Variants in PHB2 observed in about 807,000 individuals in gnomAD.
PHB2 encodes prohibitin-2.
PHB2 carries 22 observed loss-of-function variants against 46.4 expected under a neutral mutation model. The ratio of observed to expected loss-of-function variants is 0.47; its 90% CI spans 0.34 to 0.68. The LOEUF is 0.68. PHB2 is among the 30% of genes least tolerant of loss of function. PHB2 has a pLI of 0.01. For synonymous variants in PHB2, 156 were observed against 150.5 expected, an observed-to-expected ratio of 1.04 and a Z score of -0.27; for missense variants, 305 against 382.8, an observed-to-expected ratio of 0.80 and a Z score of 1.70.
intron 8 of PHB2, 120 bp downstream of exon 8, chr12:6,966,304 C>T: frequency 1.4e-6 from 1 of 703,798 alleles, no homozygotes; most frequent in Non-Finnish European, 2.6e-6. Flanking sequence ...ACCCCCTTTT[C>T]TAATTTTGGT....
intron 3 of PHB2, 126 bp from the exon 4 acceptor site, chr12:6,968,721 G>A: frequency 1.3e-6 from 1 of 756,492 alleles, no homozygotes; most frequent in Non-Finnish European, 2.3e-6. Context: ...GGGGGGAGGA[G>A]AGTTAATCAG....
chr12:6,966,391 G>C, intron 8 of PHB2, 33 bp downstream of exon 8: 2 of 1,331,596 alleles, frequency 1.5e-6, no homozygotes, highest in Non-Finnish European at 1.1e-6. Flanking sequence ...CCACGTTCTT[G>C]GTGATACCCC....
At chr12:6,966,328 G>T in intron 8 of PHB2, 96 bp downstream of exon 8, 1 of 800,090 alleles carries the variant, frequency 1.2e-6, no homozygotes. Context: ...ATGTCTCTGA[G>T]CCATATGAAT....
chr12:6,968,151 C>G (rs1035997269), intron 4 of PHB2, 130 bp from the exon 5 acceptor site: 7 of 873,720 alleles, frequency 8.0e-6, no homozygotes, highest in Non-Finnish European at 1.2e-5. Context: ...GTCAGGCAAA[C>G]CTGTAACATA....
At position 6,968,510 on chromosome 12, in the gene PHB2, C is replaced by G; in HGVS notation, c.378G>C (p.Leu126=). ...ACGGCAACACTCGTTCCTCGTAGTC[C>G]AGCCCTAGGCGCTGGTACATGCTAG... ...ELPSMYQRLG[L]DYEERVLPSI... Residue 126 remains leucine, a synonymous_variant, in exon 4 of 10, where the codon CTG becomes CTC. Transcript: ENST00000535923. The G allele has an allele frequency of 1.2e-6, 2 of 1,613,524 alleles. No homozygotes were observed. Among genetic ancestry groups the G allele is most frequent in the Non-Finnish European group, 1.7e-6 (2 of 1,179,666 alleles).
intron 1 of PHB2, 23 bp from the exon 2 acceptor site, chr12:6,970,303 C>A: frequency 1.2e-6 from 2 of 1,610,970 alleles, no homozygotes; most frequent in Non-Finnish European, 1.7e-6. Flanking sequence ...GGGTGGTGAT[C>A]AGGCCAGGCC....
At position 6,967,789 on chromosome 12, in the gene PHB2, G is replaced by A. The variant is rs1302247904; in HGVS notation, c.608-10C>T. 1.2e-6 allele frequency: 2 copies of A among 1,612,208 alleles called. No individual in the cohort carries two copies. Among genetic ancestry groups the A allele is most frequent in the Non-Finnish European group, 1.7e-6 (2 of 1,178,814 alleles). On this transcript the variant is annotated splice_polypyrimidine_tract_variant and intron_variant, in intron 5 of 9. Coordinates refer to ENST00000535923, the MANE Select transcript of PHB2 (RefSeq NM_001144831.2). The surrounding 1 kb of genome is among the most constrained non-coding windows in gnomAD (Gnocchi z 4.9). Reference sequence around the variant, plus strand: ...TGGGCCTCCTGCTGGGCTGTGGTGGGAGAGAGTCAGGGAGACCCTGTCCTG... The same window carrying A: ...TGGGCCTCCTGCTGGGCTGTGGTGGAAGAGAGTCAGGGAGACCCTGTCCTG...
chr12:6,966,063 C>T lies in PHB2; in HGVS notation c.867-147G>A, dbSNP rs1946207223. 3.5e-6 allele frequency: 3 copies of T among 845,128 alleles called. No individual in the cohort carries two copies. In the Admixed American group the frequency reaches 6.1e-5, roughly 17 times the overall value. 52.4% of individuals were successfully genotyped at this position (845,128 alleles called of 1,614,324 possible). A position where few individuals can be genotyped will look rare whatever the true frequency, so the allele number is the denominator to read the frequency against. On this transcript the variant is annotated intron_variant, in intron 8 of 9. Transcript: ENST00000535923. ...GGTTGACAGCCAGGAATCTCAGGCT[C>T]ATGAAAGGAGGAGGCATGTTCTCAT...
chr12:6,966,924 T>C (rs1946220502), intron 7 of PHB2, among the ~76,000 whole-genome samples: 1 of 152,270 alleles, frequency 6.6e-6, no homozygotes, highest in Middle Eastern at 3.4e-3. Flanking sequence ...ATCTTTTGTA[T>C]TTTTAGTAGA....
chr12:6,970,684 C>T, upstream of PHB2: 3 of 1,099,504 alleles, frequency 2.7e-6, no homozygotes, highest in Non-Finnish European at 3.8e-6. Context: ...CGGAAGTGCG[C>T]TCCCTTTGAA....
At position 6,965,359 on chromosome 12, in the gene PHB2, T is replaced by G. The variant is rs1383479374; in HGVS notation, c.*326A>C. 3 of 411,024 alleles carry G rather than the reference T, an allele frequency of 7.3e-6. No individual in the cohort carries two copies. The Admixed American group carries it at 1.0e-4, about 14-fold the overall frequency. The allele number at this position is 411,024 out of a possible 1,614,324, so 25.5% of individuals were successfully genotyped here. A position where few individuals can be genotyped will look rare whatever the true frequency, so the allele number is the denominator to read the frequency against. On this transcript the variant is annotated 3_prime_UTR_variant, in exon 10 of 10. Transcript: ENST00000535923. ...AACACGTGAAGCCTTGACTTCAGGT[T>G]AAGTAATAAAAATTTATTGAGAATT...
chr12:6,967,793 G>C lies in PHB2; in HGVS notation c.608-14C>G, dbSNP rs782282944. 5 of 1,612,074 alleles carry C rather than the reference G, an allele frequency of 3.1e-6. No individual in the cohort carries two copies. The highest frequency in any genetic ancestry group is 1.7e-4 in the Middle Eastern group (1 of 6,056). On this transcript the variant is annotated splice_polypyrimidine_tract_variant and intron_variant, in intron 5 of 9. Transcript: ENST00000535923. The surrounding 1 kb of genome is among the most constrained non-coding windows in gnomAD (Gnocchi z 4.9). ...CCTCCTGCTGGGCTGTGGTGGGAGA[G>C]AGTCAGGGAGACCCTGTCCTGGGTC...
Position 6,968,018 on chromosome 12 carries a change from A to C in PHB2, c.481T>G (p.Ser161Ala), listed in dbSNP as rs781839686. ...SQLITQRAQV[S>A]LLIRRELTER... ...GTCAGCTCCCGGCGGATCAACAGGG[A>C]TACCTGAGGGCAGGGGTGAAGAGGG... Residue 161 changes from serine to alanine, a missense_variant, in exon 5 of 10, where the codon TCC becomes GCC. Ser to Ala is a moderately conservative substitution (Grantham distance 99). Coordinates refer to ENST00000535923, the MANE Select transcript of PHB2 (RefSeq NM_001144831.2). 4.4e-6 allele frequency: 7 copies of C among 1,600,332 alleles called. No individual in the cohort carries two copies. The highest frequency in any genetic ancestry group is 6.0e-6 in the Non-Finnish European group (7 of 1,170,192).
intron 2 of PHB2, among the ~76,000 whole-genome samples, 164 bp from the exon 3 acceptor site, chr12:6,969,741 A>G (rs1475906239): frequency 1.3e-5 from 2 of 151,942 alleles, no homozygotes; most frequent in Non-Finnish European, 2.9e-5. Flanking sequence ...CTCTACTAAA[A>G]TACAAAAATT....
In PHB2 at chr12:6,967,658, T is replaced by G; in HGVS notation, c.711+18A>C. ...GTGCCCTAGGGGCTGGGCTGAGATCTCTCCAGCAGAAGGATATCATCTTGG... is the reference window on the plus strand; with the variant it reads ...GTGCCCTAGGGGCTGGGCTGAGATCGCTCCAGCAGAAGGATATCATCTTGG... On this transcript the variant is annotated intron_variant, in intron 6 of 9. Transcript: ENST00000535923. This position sits in a 1 kb window ranked among gnomAD's most constrained non-coding sequence, Gnocchi z 4.9. 6.3e-7 allele frequency: 1 copy of G among 1,591,512 alleles called. No individual in the cohort carries two copies. The highest frequency in any genetic ancestry group is 8.6e-7 in the Non-Finnish European group (1 of 1,159,926).
At chr12:6,969,976 C>T (rs782315741) in intron 2 of PHB2, 1 of 698,172 alleles carries the variant, frequency 1.4e-6, no homozygotes, top group South Asian at 1.5e-5. Flanking sequence ...TTGGCCTGCT[C>T]CTCTCCACGA....
chr12:6,968,069 T>G (rs782312878), intron 4 of PHB2, 48 bp from the exon 5 acceptor site: 16 of 1,533,322 alleles, frequency 1.0e-5, no homozygotes, highest in Middle Eastern at 1.8e-4. Context: ...TTGAGGGGAC[T>G]GGGGAGCTGA....
In PHB2 at chr12:6,967,627, A is replaced by T. The variant is rs1946238298; in HGVS notation, c.711+49T>A. ...GCCTGCCCATGAAGGAGAATGGGGA[A>T]CTCAGGTGCCCTAGGGGCTGGGCTG... On this transcript the variant is annotated intron_variant, in intron 6 of 9. Transcript: ENST00000535923. The surrounding 1 kb of genome is among the most constrained non-coding windows in gnomAD (Gnocchi z 4.9). The T allele has an allele frequency of 7.0e-7, 1 of 1,434,424 alleles. No individual in the cohort carries two copies. Among genetic ancestry groups the T allele is most frequent in the Non-Finnish European group, 9.8e-7 (1 of 1,017,504 alleles). The allele number at this position is 1,434,424 out of a possible 1,614,324, so 88.9% of individuals were successfully genotyped here. A position where few individuals can be genotyped will look rare whatever the true frequency, so the allele number is the denominator to read the frequency against.
chr12:6,968,807 G>A (rs1222225213), intron 3 of PHB2: 10 of 587,956 alleles, frequency 1.7e-5, no homozygotes, highest in Admixed American at 4.6e-5. Flanking sequence ...TGCAAACCCC[G>A]TCACCAGCAG....
Sources: allele counts gnomAD v4.1 joint callset (sites outside exome capture counted in the v4.1 genomes callset), GRCh38; gene constraint gnomAD v4.1.1; non-coding constraint Gnocchi (gnomAD v3.1); transcripts MANE v1.5; gene names NCBI Gene and HGNC (gene_info 2026-07-23, HGNC 2026-07-21).